Variants in PPM1H observed in about 807,000 individuals in gnomAD.
The protein encoded by PPM1H is protein phosphatase, Mg2+/Mn2+ dependent 1H.
In PPM1H, 27 loss-of-function variants were observed where a neutral mutation model predicts 54.9. That is an observed-to-expected ratio of 0.49 (90% CI 0.36 to 0.68). The LOEUF is 0.68. Ranked by LOEUF, PPM1H falls within the 30% of genes least tolerant of loss-of-function variation. PPM1H has a pLI of 0.00. For synonymous variants in PPM1H, 305 were observed against 270.8 expected, an observed-to-expected ratio of 1.13 and a Z score of -1.24; for missense variants, 596 against 667.8, an observed-to-expected ratio of 0.89 and a Z score of 1.19.
chr12:62,931,512 G>A (rs1322644441), intron 1 of PPM1H, among the ~76,000 whole-genome samples: 1 of 152,210 alleles, frequency 6.6e-6, no homozygotes, highest in Non-Finnish European at 1.5e-5. Context: ...ATATAAGGAA[G>A]CGGTACAGTA....
chr12:62,778,241 A>T (rs1383403931), intron 4 of PPM1H, among the ~76,000 whole-genome samples: 2 of 152,332 alleles, frequency 1.3e-5, no homozygotes, highest in South Asian at 4.1e-4. Context: ...CCTAATATGA[A>T]TTCCCTTTTC....
At chr12:62,814,137 T>C (rs1376173325) in intron 2 of PPM1H, among the ~76,000 whole-genome samples, 1 of 152,188 alleles carries the variant, frequency 6.6e-6, no homozygotes, top group Non-Finnish European at 1.5e-5. Flanking sequence ...TGGAGTGCAG[T>C]GGCATGATCA....
chr12:62,792,028 A>C (rs2076704037), intron 3 of PPM1H, among the ~76,000 whole-genome samples: 2 of 152,254 alleles, frequency 1.3e-5, no homozygotes, highest in South Asian at 4.1e-4. Context: ...GTATGATCCA[A>C]AAGGTAGAAA....
intron 8 of PPM1H, among the ~76,000 whole-genome samples, chr12:62,685,024 C>T (rs564596745): frequency 6.6e-6 from 1 of 152,116 alleles, no homozygotes; most frequent in Non-Finnish European, 1.5e-5. Context: ...ACCCCCTCCC[C>T]CCGCCACCCC....
chr12:62,688,084 T>G (rs986684481), intron 8 of PPM1H, among the ~76,000 whole-genome samples: 1 of 152,100 alleles, frequency 6.6e-6, no homozygotes, highest in Non-Finnish European at 1.5e-5. Flanking sequence ...GACTTATGCC[T>G]TCCTGATTTC....
Position 62,934,292 on chromosome 12 carries a change from G to C in PPM1H, c.245+200C>G, listed in dbSNP as rs374232127. 5.3e-5 allele frequency among the ~76,000 whole-genome samples: 8 copies of C among 152,238 alleles called. No individual in the cohort carries two copies. Among genetic ancestry groups the C allele is most frequent in the South Asian group, 2.1e-4 (1 of 4,812 alleles). On this transcript the variant is annotated intron_variant, in intron 1 of 9. Coordinates refer to ENST00000228705, the MANE Select transcript of PPM1H (RefSeq NM_020700.2). This position sits in a 1 kb window ranked among gnomAD's most constrained non-coding sequence, Gnocchi z 4.2. ...CACCACCCATACCGGGGCTGGAGAC[G>C]CCGCGTCCTTGGGCTGGGGGAAGAG... is the stretch of plus-strand genomic sequence containing the variant.
At chr12:62,876,981 T>A (rs1870196038) in intron 1 of PPM1H, among the ~76,000 whole-genome samples, 1 of 152,194 alleles carries the variant, frequency 6.6e-6, no homozygotes, top group South Asian at 2.1e-4. Flanking sequence ...CTTGCGCCCA[T>A]CTTACGTACA....
intron 8 of PPM1H, among the ~76,000 whole-genome samples, chr12:62,683,032 A>AT (rs201636860): frequency 7.9e-6 from 1 of 126,356 alleles, no homozygotes; most frequent in Non-Finnish European, 1.7e-5. Flanking sequence ...AGAGTTTATT[A>AT]TTTATTATTA....
chr12:62,815,506 A>G (rs1285885674), intron 2 of PPM1H, among the ~76,000 whole-genome samples: 1 of 152,198 alleles, frequency 6.6e-6, no homozygotes, highest in Non-Finnish European at 1.5e-5. Context: ...ATATTCTTAA[A>G]CTATTAGTTT....
chr12:62,844,850 C>T lies in PPM1H; in HGVS notation c.246-12571G>A, dbSNP rs530979132. 1.3e-5 allele frequency among the ~76,000 whole-genome samples: 2 copies of T among 152,274 alleles called. No individual in the cohort carries two copies. Among genetic ancestry groups the T allele is most frequent in the Admixed American group, 6.5e-5 (1 of 15,300 alleles). On this transcript the variant is annotated intron_variant, in intron 1 of 9. Transcript: ENST00000228705. This position sits in a 1 kb window ranked among gnomAD's most constrained non-coding sequence, Gnocchi z 5.2. The stretch of plus-strand genomic sequence containing the variant: ...CTGCCTATATATTTCTTAAAGCTTA[C>T]AATATTTGGAGTTTCTCCTCATTTG...
chr12:62,858,643 T>G (rs941726747), intron 1 of PPM1H, among the ~76,000 whole-genome samples: 2 of 152,202 alleles, frequency 1.3e-5, no homozygotes, highest in African/African-American at 4.8e-5. Flanking sequence ...GTCCTCAAAC[T>G]TTTTTAGTCA....
chr12:62,804,537 AT>A (rs921670869), intron 2 of PPM1H, among the ~76,000 whole-genome samples: 4 of 151,718 alleles, frequency 2.6e-5, no homozygotes, highest in African/African-American at 4.8e-5. Flanking sequence ...CTTAAAAAAA[AT>A]TTTTTTTGGT....
At chr12:62,757,215 G>C (rs1011882876) in intron 4 of PPM1H, among the ~76,000 whole-genome samples, 1 of 152,168 alleles carries the variant, frequency 6.6e-6, no homozygotes, top group African/African-American at 2.4e-5. Context: ...GTAGACAGTA[G>C]GGAACAGGAA....
intron 9 of PPM1H, chr12:62,659,267 TGCA>T: frequency 3.0e-5 from 1 of 32,876 alleles, no homozygotes; most frequent in South Asian, 1.1e-3. Flanking sequence ...CCGTAAAAAC[TGCA>T]AAAAAAAAAA....
chr12:62,869,579 C>CA (rs1388618254), intron 1 of PPM1H, among the ~76,000 whole-genome samples: 1 of 152,126 alleles, frequency 6.6e-6, no homozygotes, highest in Admixed American at 6.5e-5. Context: ...TGCTGTCCTT[C>CA]AAAACCACTA....
chr12:62,752,475 G>A (rs2076447816), intron 4 of PPM1H, among the ~76,000 whole-genome samples: 1 of 152,112 alleles, frequency 6.6e-6, no homozygotes, highest in Non-Finnish European at 1.5e-5. Flanking sequence ...CCATTCATGT[G>A]TTCAGATCCC....
rs149017582 is a variant in PPM1H, at chr12:62,690,722, A to G, written c.1138-916T>C. ...TGCGGTGGCTCTTGCCTGTAATCCC[A>G]GCACTTTGGGAGGCTGAGGCAGGTG... On this transcript the variant is annotated intron_variant, in intron 7 of 9. Coordinates refer to ENST00000228705, the MANE Select transcript of PPM1H (RefSeq NM_020700.2). Among the ~76,000 whole-genome samples, 475 of 152,342 alleles carry G rather than the reference A, an allele frequency of 3.1e-3. 1 individual carries two copies. The highest frequency in any genetic ancestry group is 0.011 in the African/African-American group (455 of 41,584).
chr12:62,729,489 T>G (rs972733203), intron 5 of PPM1H, among the ~76,000 whole-genome samples: 3 of 152,212 alleles, frequency 2.0e-5, no homozygotes, highest in Non-Finnish European at 4.4e-5. Flanking sequence ...AACTTTTCAG[T>G]GAATTATATG....
chr12:62,678,958 A>C (rs1274451575), intron 8 of PPM1H, among the ~76,000 whole-genome samples: 1 of 151,686 alleles, frequency 6.6e-6, no homozygotes, highest in Non-Finnish European at 1.5e-5. Flanking sequence ...AAGTTCTGTG[A>C]TTACAGGCAG....
Sources: allele counts gnomAD v4.1 joint callset (sites outside exome capture counted in the v4.1 genomes callset), GRCh38; gene constraint gnomAD v4.1.1; non-coding constraint Gnocchi (gnomAD v3.1); transcripts MANE v1.5; gene names NCBI Gene and HGNC (gene_info 2026-07-23, HGNC 2026-07-21).